ACKR2: variants seen among roughly 807,000 people sequenced by gnomAD.
The protein encoded by ACKR2 is atypical chemokine receptor 2, also known as C-C chemokine receptor D6.
For missense variants in ACKR2, 457 were observed against 477.3 expected, an observed-to-expected ratio of 0.96 and a Z score of 0.40; for synonymous variants, 207 against 192.2, an observed-to-expected ratio of 1.08 and a Z score of -0.64.
chr3:42,842,054 G>A (rs949564339), intron 2 of ACKR2, among the ~76,000 whole-genome samples: 4 of 152,172 alleles, frequency 2.6e-5, no homozygotes, highest in African/African-American at 9.7e-5. Context: ...GGGTTGGTTG[G>A]TGTGAAGATT....
At chr3:42,837,331 C>T (rs1266373873) in intron 2 of ACKR2, among the ~76,000 whole-genome samples, 1 of 152,166 alleles carries the variant, frequency 6.6e-6, no homozygotes, top group African/African-American at 2.4e-5. Flanking sequence ...ATCCTCCCAC[C>T]TCAACCTCCG....
At chr3:42,821,457 C>T (rs933557167) in intron 2 of ACKR2, among the ~76,000 whole-genome samples, 18 of 152,146 alleles carry the variant, frequency 1.2e-4, no homozygotes, top group East Asian at 3.9e-4. Context: ...ACTTGACATA[C>T]GAAAGTGTCT....
intron 2 of ACKR2, among the ~76,000 whole-genome samples, chr3:42,841,191 C>CTA (rs1701033920): frequency 6.6e-6 from 1 of 152,170 alleles, no homozygotes. Flanking sequence ...ATAGCGTGTG[C>CTA]TATTTATGTG....
At chr3:42,854,065 G>A (rs1033073120) in intron 2 of ACKR2, among the ~76,000 whole-genome samples, 17 of 152,086 alleles carry the variant, frequency 1.1e-4, no homozygotes, top group Admixed American at 3.3e-4. Context: ...TAGGGCGGCC[G>A]TGAAATTGAT....
At chr3:42,860,882 T>C (rs1287508585) in intron 2 of ACKR2, among the ~76,000 whole-genome samples, 2 of 152,200 alleles carry the variant, frequency 1.3e-5, no homozygotes, top group African/African-American at 4.8e-5. Context: ...GGGAAATTTA[T>C]AGCACTAAAT....
chr3:42,860,051 TAGAG>T (rs1161635231), intron 2 of ACKR2, among the ~76,000 whole-genome samples: 1 of 150,660 alleles, frequency 6.6e-6, no homozygotes, highest in Non-Finnish European at 1.5e-5. Flanking sequence ...GCAAATTGGA[TAGAG>T]AGTCAAGACC....
At position 42,819,702 on chromosome 3, in the gene ACKR2, C is replaced by T. The variant is rs1459497067; in HGVS notation, c.-47C>T. 2 of 152,304 alleles carry T rather than the reference C, an allele frequency of 1.3e-5. No individual in the cohort carries two copies. Among genetic ancestry groups the T allele is most frequent in the Admixed American group, 1.3e-4 (2 of 15,290 alleles). 9.4% of individuals were successfully genotyped at this position (152,304 alleles called of 1,614,324 possible). On this transcript the variant is annotated 5_prime_UTR_variant, in exon 2 of 3. Transcript: ENST00000422265. ...TGAATTACTCAAGGCTGCCTCTCTG[C>T]AAAGTTGAGGTAAGCAGCTGAGTTC...
intron 2 of ACKR2, among the ~76,000 whole-genome samples, chr3:42,853,103 T>G (rs896090767): frequency 6.6e-6 from 1 of 152,308 alleles, no homozygotes; most frequent in South Asian, 2.1e-4. Flanking sequence ...GTTTCTATTA[T>G]CTTCATTGTG....
intron 2 of ACKR2, among the ~76,000 whole-genome samples, chr3:42,843,337 T>C (rs889331717): frequency 2.6e-5 from 4 of 152,150 alleles, no homozygotes; most frequent in Admixed American, 6.5e-5. Flanking sequence ...CCCAAAGTGC[T>C]GGGATTGCAG....
At chr3:42,814,131 T>A (rs1322343075) in intron 1 of ACKR2, among the ~76,000 whole-genome samples, 2 of 152,192 alleles carry the variant, frequency 1.3e-5, no homozygotes. Flanking sequence ...TTCAGTCAAT[T>A]TTTGGTGAAG....
chr3:42,853,302 C>T (rs763445503), intron 2 of ACKR2, among the ~76,000 whole-genome samples: 29 of 152,108 alleles, frequency 1.9e-4, no homozygotes, highest in Non-Finnish European at 4.0e-4. Context: ...TGTCCTTGGG[C>T]ACTTTACTCC....
At chr3:42,858,801 C>T (rs917557272) in intron 2 of ACKR2, among the ~76,000 whole-genome samples, 1 of 151,866 alleles carries the variant, frequency 6.6e-6, no homozygotes, top group African/African-American at 2.4e-5. Flanking sequence ...GAATTGCTAA[C>T]TAGCAAAACC....
chr3:42,858,963 A>T (rs1290873364), intron 2 of ACKR2, among the ~76,000 whole-genome samples: 2 of 152,062 alleles, frequency 1.3e-5, no homozygotes, highest in African/African-American at 4.8e-5. Context: ...AAGTGTGAAG[A>T]CACAATTAGA....
chr3:42,829,574 G>GT (rs1216511176), intron 2 of ACKR2, among the ~76,000 whole-genome samples: 1 of 152,114 alleles, frequency 6.6e-6, no homozygotes, highest in African/African-American at 2.4e-5. Context: ...GCTCCCTCGG[G>GT]TCACTCATCC....
chr3:42,864,831 G>T lies in ACKR2; in HGVS notation c.329G>T (p.Trp110Leu). ...TGGGGCATCTCCGTGGCCTGGCATT[G>T]GGTCTTCGGGAGTTTCTTGTGCAAG... ...PFWGISVAWH[W>L]VFGSFLCKMV... Residue 110 changes from tryptophan (W) to leucine (L), a missense_variant, in exon 3 of 3, where the codon TGG becomes TTG. Transcript: ENST00000422265. 1 of 1,614,170 alleles carries T rather than the reference G, an allele frequency of 6.2e-7. No homozygotes were observed. The highest frequency in any genetic ancestry group is 1.1e-5 in the South Asian group (1 of 91,082).
At chr3:42,856,296 A>G (rs1247185965) in intron 2 of ACKR2, 4 of 689,200 alleles carry the variant, frequency 5.8e-6, no homozygotes, top group Non-Finnish European at 1.1e-5. Context: ...TCCAGATGCC[A>G]TCGGATAGGA....
rs1326805248 is a variant in ACKR2, at chr3:42,864,767, G to T, written c.265G>T (p.Ala89Ser). 2.0e-5 allele frequency: 33 copies of T among 1,614,064 alleles called. No homozygotes were observed. The highest frequency in any genetic ancestry group is 2.6e-5 in the Non-Finnish European group (31 of 1,180,046). ...GGTTGAGATCTATCTGCTGAATCTG[G>T]CCATCTCCAACCTTCTGTTTCTGGT... ...RMVEIYLLNL[A>S]ISNLLFLVTL... The change falls in exon 3 of 3, where the codon GCC becomes TCC. Residue 89 changes from alanine (A) to serine (S), a missense_variant. By Grantham distance (99) the Ala-to-Ser change is moderately conservative. Coordinates refer to ENST00000422265, the MANE Select transcript of ACKR2 (RefSeq NM_001296.5).
intron 2 of ACKR2, among the ~76,000 whole-genome samples, chr3:42,862,098 T>G (rs2088390406): frequency 6.6e-6 from 1 of 152,236 alleles, no homozygotes; most frequent in Admixed American, 6.5e-5. Context: ...ATGACATGAT[T>G]GTATATTTAG....
intron 2 of ACKR2, among the ~76,000 whole-genome samples, chr3:42,863,155 T>C (rs1187407473): frequency 1.3e-5 from 2 of 151,920 alleles, no homozygotes; most frequent in Non-Finnish European, 2.9e-5. Flanking sequence ...TTAAACAAAT[T>C]TACAAGAAGA....
Sources: gnomAD v4.1 joint callset for allele counts (sites outside exome capture counted in the v4.1 genomes callset) on GRCh38, gnomAD v4.1.1 for gene constraint, MANE v1.5 for transcripts, NCBI Gene and HGNC (gene_info 2026-07-23, HGNC 2026-07-21) for gene names.